The following LARGE1 variants were observed in gnomAD, a reference collection of about 807,000 sequenced individuals.
The protein encoded by LARGE1 is xylosyl- and glucuronyltransferase LARGE1.
In LARGE1, 43 loss-of-function variants were observed where a neutral mutation model predicts 87.6. That is an observed-to-expected ratio of 0.49 (90% confidence interval 0.38 to 0.63). LARGE1 has a LOEUF of 0.63. LARGE1 is among the 30% of genes least tolerant of loss of function. The pLI, the probability that LARGE1 is intolerant of heterozygous loss-of-function variation, is 0.00. For missense variants in LARGE1, 802 were observed against 1,000.2 expected (o/e 0.80, Z 2.67); for synonymous variants, 434 against 394.6 (o/e 1.10, Z -1.18).
At position 33,381,937 on chromosome 22, in the gene LARGE1, T is replaced by C. The variant is rs202030960; in HGVS notation, c.1113A>G (p.Arg371=). ...ACCCTACCTTTAGATCAGACACGTC[T>C]CTGTAGCACTGCTCGGAGCGGGTGT... ...SDHTRSEQCY[R]DVSDLKVIHW... is the part of the protein sequence containing the mutation. The change falls in exon 9 of 15, where the codon AGA becomes AGG. Residue 371 remains arginine, a synonymous_variant. Coordinates refer to ENST00000397394, the MANE Select transcript of LARGE1 (RefSeq NM_133642.5). 125 of 1,614,130 alleles carry C rather than the reference T, an allele frequency of 7.7e-5. No homozygotes were observed. The East Asian group carries it at 2.8e-3, about 36-fold the overall frequency.
At chr22:33,904,615 G>C (rs1157327409) in intron 1 of LARGE1, among the ~76,000 whole-genome samples, 1 of 152,220 alleles carries the variant, frequency 6.6e-6, no homozygotes, top group Non-Finnish European at 1.5e-5. Context: ...GCGTGGGGCA[G>C]TAGAGTCGGT....
chr22:33,087,933 CAATAAACTAA>C, the LARGE1 span, among the ~76,000 whole-genome samples: 2 of 152,214 alleles, frequency 1.3e-5, no homozygotes, highest in African/African-American at 2.4e-5. Flanking sequence ...AACTCTATCT[CAATAAACTAA>C]AATAAACTAA....
At chr22:33,584,324 T>C (rs1461327312) in intron 5 of LARGE1, among the ~76,000 whole-genome samples, 1 of 152,146 alleles carries the variant, frequency 6.6e-6, no homozygotes. Flanking sequence ...ATGATGTACC[T>C]AGCATGGGAA....
At chr22:33,099,187 A>C in the LARGE1 span, among the ~76,000 whole-genome samples, 1 of 152,210 alleles carries the variant, frequency 6.6e-6, no homozygotes, top group Admixed American at 6.5e-5. Flanking sequence ...GTGTGAAATG[A>C]TACAGAGCAA....
chr22:33,475,020 T>C (rs1031379300), intron 6 of LARGE1, among the ~76,000 whole-genome samples: 1 of 152,110 alleles, frequency 6.6e-6, no homozygotes, highest in Non-Finnish European at 1.5e-5. Flanking sequence ...ACTGCACCTC[T>C]TTTCACTCCA....
At chr22:33,647,702 T>C (rs151082971) in intron 3 of LARGE1, among the ~76,000 whole-genome samples, 58 of 152,322 alleles carry the variant, frequency 3.8e-4, no homozygotes, top group African/African-American at 1.2e-3. Context: ...TACATTAGAA[T>C]TTCCCTCAAG....
rs191639740 is a variant in LARGE1 at position 33,848,395 on chromosome 22, G to C, written c.-83+71600C>G. On this transcript the variant is annotated intron_variant, in intron 1 of 14. Coordinates refer to ENST00000397394, the MANE Select transcript of LARGE1 (RefSeq NM_133642.5). ...GGGCCCTAGGGGTAAGAAAGGGCAG[G>C]CACTGAGAGTCTTTGGCCAGCCCTC... Among the ~76,000 whole-genome samples the C allele has an allele frequency of 3.8e-4, 55 of 142,962 alleles. 1 individual carries two copies. Among genetic ancestry groups the C allele is most frequent in the South Asian group, 2.9e-3 (12 of 4,168 alleles). 93.8% of individuals were successfully genotyped at this position (142,962 alleles called of 152,430 possible).
chr22:33,298,297 C>T (rs1029509602), intron 12 of LARGE1, among the ~76,000 whole-genome samples: 3 of 152,216 alleles, frequency 2.0e-5, no homozygotes, highest in Non-Finnish European at 4.4e-5. Context: ...CTTTGTCTCC[C>T]CTGTTCACTG....
chr22:33,428,802 C>T (rs559137621), intron 7 of LARGE1, among the ~76,000 whole-genome samples: 97 of 145,118 alleles, frequency 6.7e-4, no homozygotes, highest in African/African-American at 2.4e-3. Context: ...TGGTGGTGGG[C>T]GCCTGTAGTC....
chr22:33,746,314 G>C (rs149242117), intron 2 of LARGE1: 1 of 152,322 alleles, frequency 6.6e-6, no homozygotes, highest in African/African-American at 2.4e-5. Context: ...TACAAGTCAA[G>C]GACTTGGTGC....
chr22:33,416,906 C>CTTTTTTTTTTTTTTTTTTTTTTTT (rs35018256), intron 7 of LARGE1, among the ~76,000 whole-genome samples: 1 of 90,148 alleles, frequency 1.1e-5, no homozygotes. Context: ...CACGCCCGGA[C>CTTTTTTTTTTTTTTTTTTTTTTTT]TTTTTTTTTT....
the LARGE1 span, among the ~76,000 whole-genome samples, chr22:33,114,899 A>G: frequency 6.6e-6 from 1 of 152,240 alleles, no homozygotes; most frequent in African/African-American, 2.4e-5. Flanking sequence ...CAATGGCCAG[A>G]GTAATCCTTA....
In LARGE1 at chr22:33,636,061, G is replaced by T. The variant is rs192658871; in HGVS notation, c.409-9735C>A. Among the ~76,000 whole-genome samples the T allele has an allele frequency of 2.8e-3, 424 of 152,260 alleles. 2 individuals are homozygous for T. The highest frequency in any genetic ancestry group is 4.9e-3 in the Non-Finnish European group (331 of 68,022). Reference sequence around the variant, plus strand: ...GGATGATGAATGAATGAAGCATCCAGGATTTTCTATCCTGCATATCCCAGT... The same window carrying T: ...GGATGATGAATGAATGAAGCATCCATGATTTTCTATCCTGCATATCCCAGT... On this transcript the variant is annotated intron_variant, in intron 3 of 14. Transcript: ENST00000397394.
rs1342018156 is a variant in LARGE1 at position 33,556,560 on chromosome 22, GAGGGAGGCAGGCAGGC to G, written c.787+8272_787+8287del. ...GGAAGGAGGGAGGGAGGGAGGGAGG[GAGGGAGGCAGGCAGGC>G]AGGCAGGCAGGAAGGCAGGCAGGTA... On this transcript the variant is annotated intron_variant, in intron 6 of 14. Transcript: ENST00000397394. 3.6e-4 allele frequency among the ~76,000 whole-genome samples: 28 copies of G among 76,874 alleles called. 3 individuals are homozygous for G. Among genetic ancestry groups the G allele is most frequent in the African/African-American group, 1.5e-3 (22 of 15,046 alleles). 50.4% of individuals were successfully genotyped at this position (76,874 alleles called of 152,430 possible).
intron 2 of LARGE1, among the ~76,000 whole-genome samples, chr22:33,680,255 G>A (rs959030483): frequency 1.3e-5 from 2 of 152,204 alleles, no homozygotes; most frequent in Admixed American, 1.3e-4. Flanking sequence ...AAACAATGCA[G>A]AGGTACAGGT....
intron 1 of LARGE1, among the ~76,000 whole-genome samples, chr22:33,909,512 T>G (rs1175103101): frequency 6.9e-6 from 1 of 145,840 alleles, no homozygotes; most frequent in Non-Finnish European, 1.5e-5. Context: ...ACTCACCAAC[T>G]TCTTCTTTTG....
the LARGE1 span, among the ~76,000 whole-genome samples, chr22:33,139,383 C>T: frequency 6.6e-6 from 1 of 152,032 alleles, no homozygotes; most frequent in Non-Finnish European, 1.5e-5. Flanking sequence ...TGTCTACTCC[C>T]TACTCTCTTT....
At chr22:33,632,003 A>T (rs1316151291) in intron 3 of LARGE1, among the ~76,000 whole-genome samples, 1 of 152,234 alleles carries the variant, frequency 6.6e-6, no homozygotes, top group Non-Finnish European at 1.5e-5. Flanking sequence ...GACTGTATAG[A>T]CATAACACTC....
the LARGE1 span, among the ~76,000 whole-genome samples, chr22:33,147,689 CTA>C: frequency 0.015 from 2,221 of 152,240 alleles, 35 homozygotes; most frequent in Admixed American, 0.053. Context: ...TATTGACTGT[CTA>C]TATAAACAGA....
Sources: allele counts gnomAD v4.1 joint callset (sites outside exome capture counted in the v4.1 genomes callset), GRCh38; gene constraint gnomAD v4.1.1; transcripts MANE v1.5; gene names NCBI Gene and HGNC (gene_info 2026-07-23, HGNC 2026-07-21).